Variants in IGSF11 observed in about 807,000 individuals in gnomAD.
IGSF11 encodes CXADR like 1.
A neutral mutation model predicts 41.0 loss-of-function variants in IGSF11; 22 were observed. The observed-to-expected ratio is 0.54, with a 90% CI of 0.38 to 0.77. The LOEUF is 0.77. Ranked by LOEUF, IGSF11 falls within the 30% of genes least tolerant of loss-of-function variation. The pLI, the probability that IGSF11 is intolerant of heterozygous loss-of-function variation, is 0.00. For synonymous variants in IGSF11, 219 were observed against 201.3 expected, an observed-to-expected ratio of 1.09 and a Z score of -0.74; for missense variants, 444 against 530.8, an observed-to-expected ratio of 0.84 and a Z score of 1.61.
intron 2 of IGSF11, 105 bp from the exon 3 acceptor site, chr3:118,928,821 AAAT>A: frequency 1.3e-6 from 1 of 770,484 alleles, no homozygotes; most frequent in East Asian, 2.7e-5. Flanking sequence ...AAACATTGGA[AAAT>A]TTTATTTCTA....
At chr3:119,025,054 G>A (rs1480272207) in intron 1 of IGSF11, among the ~76,000 whole-genome samples, 2 of 152,092 alleles carry the variant, frequency 1.3e-5, no homozygotes, top group Non-Finnish European at 2.9e-5. Flanking sequence ...ATGACATTTT[G>A]TAATCTTTCT....
intron 1 of IGSF11, among the ~76,000 whole-genome samples, chr3:119,007,121 G>A (rs1195655731): frequency 1.4e-5 from 2 of 139,314 alleles, no homozygotes; most frequent in African/African-American, 2.9e-5. Flanking sequence ...GCGAGACTCC[G>A]TGGGCGTAGG....
At chr3:119,048,949 C>T (rs991896158) in intron 1 of IGSF11, among the ~76,000 whole-genome samples, 1 of 152,092 alleles carries the variant, frequency 6.6e-6, no homozygotes, top group Non-Finnish European at 1.5e-5. Context: ...ATTCAACAGC[C>T]CTTCATGGTA....
chr3:119,098,945 T>C (rs988248024), intron 1 of IGSF11, among the ~76,000 whole-genome samples: 3 of 152,232 alleles, frequency 2.0e-5, no homozygotes, highest in Non-Finnish European at 4.4e-5. Flanking sequence ...ACTTGCATTA[T>C]TATCTCAGGT....
In IGSF11 at chr3:119,135,080, T is replaced by G. The variant is rs2077541131; in HGVS notation, c.-14+10733A>C. 3.3e-5 allele frequency among the ~76,000 whole-genome samples: 5 copies of G among 152,182 alleles called. No homozygotes were observed. In the South Asian group the frequency reaches 1.0e-3, roughly 31 times the overall value. ...ATTAATTCAAGACGGATTAAAGACT[T>G]AAATGTAAGATCTAAAACCATAAAA... is the stretch of plus-strand genomic sequence containing the variant. On this transcript the variant is annotated intron_variant, in intron 1 of 7. Coordinates refer to the IGSF11 transcript ENST00000425327.
At chr3:118,928,317 C>T (rs969045999) in intron 3 of IGSF11, among the ~76,000 whole-genome samples, 192 bp downstream of exon 3, 6 of 151,830 alleles carry the variant, frequency 4.0e-5, no homozygotes, top group East Asian at 1.9e-4. Flanking sequence ...TTTTAGAGAC[C>T]GCCGGAAATG....
At chr3:119,141,393 C>A (rs1427134262) in intron 1 of IGSF11, among the ~76,000 whole-genome samples, 4 of 149,980 alleles carry the variant, frequency 2.7e-5, no homozygotes, top group Non-Finnish European at 5.9e-5. Flanking sequence ...CCACACCAAG[C>A]AGAAGGAATG....
intron 1 of IGSF11, among the ~76,000 whole-genome samples, chr3:119,062,382 A>T (rs548969602): frequency 6.6e-6 from 1 of 152,296 alleles, no homozygotes; most frequent in Non-Finnish European, 1.5e-5. Context: ...AAACATTAAC[A>T]CTTCCACAAA....
intron 1 of IGSF11, among the ~76,000 whole-genome samples, chr3:118,965,820 T>C (rs1159125688): frequency 1.3e-5 from 2 of 152,090 alleles, no homozygotes; most frequent in Non-Finnish European, 2.9e-5. Context: ...TAGGGAAGCA[T>C]TTATTAAAAC....
At chr3:119,028,787 G>A (rs1048343561) in intron 1 of IGSF11, among the ~76,000 whole-genome samples, 1 of 151,714 alleles carries the variant, frequency 6.6e-6, no homozygotes, top group Non-Finnish European at 1.5e-5. Context: ...AGCTGACATA[G>A]TCACACCAAA....
chr3:119,026,583 C>T (rs554134572), intron 1 of IGSF11, among the ~76,000 whole-genome samples: 1 of 152,008 alleles, frequency 6.6e-6, no homozygotes, highest in Non-Finnish European at 1.5e-5. Flanking sequence ...TCACTGTAGT[C>T]TTCGCCATTA....
chr3:118,922,962 C>T (rs1309790018), intron 4 of IGSF11, among the ~76,000 whole-genome samples: 1 of 152,146 alleles, frequency 6.6e-6, no homozygotes, highest in Non-Finnish European at 1.5e-5. Context: ...AAGGAACTGA[C>T]TGGAACACCT....
chr3:118,902,323 A>G lies in IGSF11; in HGVS notation c.*197T>C. The G allele has an allele frequency of 1.9e-6, 1 of 526,870 alleles. No homozygotes were observed. The highest frequency in any genetic ancestry group is 2.9e-5 in the South Asian group (1 of 34,596). The allele number at this position is 526,870 out of a possible 1,614,324, so 32.6% of individuals were successfully genotyped here. A position where few individuals can be genotyped will look rare whatever the true frequency, so the allele number is the denominator to read the frequency against. On this transcript the variant is annotated 3_prime_UTR_variant, in exon 7 of 7. Coordinates refer to ENST00000393775, the MANE Select transcript of IGSF11 (RefSeq NM_001015887.3). The stretch of plus-strand genomic sequence containing the variant: ...AATCCCAGGACATCTTTGGTGGGGA[A>G]GCAAGTCTTCATGATGGAGCATTTC...
At chr3:119,112,422 T>C (rs528862080) in intron 1 of IGSF11, among the ~76,000 whole-genome samples, 32 of 152,276 alleles carry the variant, frequency 2.1e-4, no homozygotes, top group Non-Finnish European at 4.0e-4. Flanking sequence ...AATCTCCTGG[T>C]GTGCCGTTTC....
chr3:119,117,779 T>C (rs922679685), intron 1 of IGSF11, among the ~76,000 whole-genome samples: 1 of 152,334 alleles, frequency 6.6e-6, no homozygotes, highest in East Asian at 1.9e-4. Context: ...GGCAAGTTGG[T>C]TACTTCCCAG....
At position 119,001,512 on chromosome 3, in the gene IGSF11, G is replaced by C. The variant is rs899301250; in HGVS notation, c.52+33019C>G. ...ATACTTTAAGTTTTAGGGTACATGT[G>C]CACATTGTGCAGGTTAGTTACATAT... On this transcript the variant is annotated intron_variant, in intron 1 of 6. Coordinates refer to ENST00000393775, the MANE Select transcript of IGSF11 (RefSeq NM_001015887.3). Among the ~76,000 whole-genome samples, 4 of 138,384 alleles carry C rather than the reference G, an allele frequency of 2.9e-5. No homozygotes were observed. In the Admixed American group the frequency reaches 2.9e-4, roughly 10 times the overall value. The allele number at this position is 138,384 out of a possible 152,430, so 90.8% of individuals were successfully genotyped here.
At chr3:118,983,643 G>A (rs1428083490) in intron 1 of IGSF11, among the ~76,000 whole-genome samples, 1 of 152,030 alleles carries the variant, frequency 6.6e-6, no homozygotes, top group East Asian at 1.9e-4. Flanking sequence ...TATTATTCCA[G>A]TTACACAAAT....
intron 1 of IGSF11, among the ~76,000 whole-genome samples, chr3:118,959,946 G>A (rs897426406): frequency 6.6e-6 from 1 of 152,040 alleles, no homozygotes; most frequent in Admixed American, 6.5e-5. Context: ...TCGGGAGGCT[G>A]AGGCAGGAGA....
chr3:119,123,543 T>C (rs994325493), intron 1 of IGSF11, among the ~76,000 whole-genome samples: 2 of 152,170 alleles, frequency 1.3e-5, no homozygotes, highest in African/African-American at 2.4e-5. Flanking sequence ...ACAGCAAGCC[T>C]TGGGCAAGAT....
Sources: gnomAD v4.1 joint callset for allele counts (sites outside exome capture counted in the v4.1 genomes callset) on GRCh38, gnomAD v4.1.1 for gene constraint, MANE v1.5 for transcripts, NCBI Gene and HGNC (gene_info 2026-07-23, HGNC 2026-07-21) for gene names.